Variants in RTN3 observed in about 807,000 individuals in gnomAD.
RTN3 encodes reticulon-3.
In RTN3, 49 loss-of-function variants were observed where a neutral mutation model predicts 77.8. That is an observed-to-expected ratio of 0.63 (90% CI 0.50 to 0.80). The LOEUF is 0.80. RTN3 is among the 30% of genes least tolerant of loss of function. The pLI, the probability that RTN3 is intolerant of heterozygous loss-of-function variation, is 0.00. For missense variants in RTN3, 1,236 were observed against 1,211.9 expected (o/e 1.02, Z -0.29); for synonymous variants, 464 against 446.9 (o/e 1.04, Z -0.48).
intron 3 of RTN3, chr11:63,746,886 C>T: frequency 2.2e-6 from 1 of 444,612 alleles, no homozygotes; most frequent in East Asian, 7.1e-5. Flanking sequence ...ATATAGTACA[C>T]ATTTAAATTT....
rs559897332 is a variant in RTN3, at chr11:63,721,651, C to T, written c.2530+619C>T. 1.2e-3 allele frequency among the ~76,000 whole-genome samples: 176 copies of T among 151,800 alleles called. 1 individual carries two copies. The highest frequency in any genetic ancestry group is 4.2e-3 in the African/African-American group (173 of 41,414). ...AGGTACTTCTTTTCTTATAGGTTGC[C>T]CCTAAGGTGATATTAGGTGAGAATC... On this transcript the variant is annotated intron_variant, in intron 3 of 8. Transcript: ENST00000377819.
At chr11:63,716,824 C>G (rs2011426459) in intron 2 of RTN3, among the ~76,000 whole-genome samples, 2 of 152,010 alleles carry the variant, frequency 1.3e-5, no homozygotes, top group Non-Finnish European at 2.9e-5. Context: ...ATAAAATTAG[C>G]CAGGCGTGGC....
chr11:63,725,432 CTT>C (rs552733896), intron 3 of RTN3, among the ~76,000 whole-genome samples: 1 of 146,286 alleles, frequency 6.8e-6, no homozygotes, highest in South Asian at 2.1e-4. Flanking sequence ...TAACATTCTT[CTT>C]TTTTTTTTTC....
chr11:63,688,863 C>T (rs565719912), intron 1 of RTN3, among the ~76,000 whole-genome samples: 10 of 152,186 alleles, frequency 6.6e-5, no homozygotes, highest in Admixed American at 1.3e-4. Context: ...GAATTGGTGA[C>T]GTCTGGTTGA....
At chr11:63,700,742 T>G (rs1007435504) in intron 1 of RTN3, among the ~76,000 whole-genome samples, 4 of 151,914 alleles carry the variant, frequency 2.6e-5, no homozygotes, top group African/African-American at 9.7e-5. Flanking sequence ...AAGTAAAGGA[T>G]TAATTGAAAT....
At chr11:63,733,476 C>CG (rs1377520060) in intron 3 of RTN3, among the ~76,000 whole-genome samples, 1 of 146,950 alleles carries the variant, frequency 6.8e-6, no homozygotes, top group African/African-American at 2.5e-5. Context: ...GCGACAGAGA[C>CG]TGTCTCAGAA....
chr11:63,740,594 G>A (rs555530885), intron 3 of RTN3, among the ~76,000 whole-genome samples: 2 of 151,286 alleles, frequency 1.3e-5, no homozygotes, highest in African/African-American at 2.4e-5. Context: ...ACCGCGCCTG[G>A]CCTTTTTTTT....
Position 63,753,144 on chromosome 11 carries a change from G to T in RTN3, c.2947+6G>T. ...AATCACCCTTCTAATTCTTGGTAAG[G>T]TGGCAAGGAGAATGTGCCCATGCTC... is the stretch of plus-strand genomic sequence containing the variant. On this transcript the variant is annotated splice_donor_region_variant and intron_variant, in intron 6 of 8. Coordinates refer to ENST00000377819, the MANE Select transcript of RTN3 (RefSeq NM_001265589.2). 1 of 1,613,332 alleles carries T rather than the reference G, an allele frequency of 6.2e-7. No homozygotes were observed. Among genetic ancestry groups the T allele is most frequent in the Non-Finnish European group, 8.5e-7 (1 of 1,179,308 alleles).
chr11:63,722,142 A>AC (rs2011863483), intron 3 of RTN3, among the ~76,000 whole-genome samples: 1 of 152,108 alleles, frequency 6.6e-6, no homozygotes, highest in Admixed American at 6.5e-5. Context: ...TCTACAAGGG[A>AC]CCCCCATCCT....
chr11:63,725,451 C>CT (rs2012183091), intron 3 of RTN3, among the ~76,000 whole-genome samples: 3 of 140,444 alleles, frequency 2.1e-5, no homozygotes, highest in Middle Eastern at 3.7e-3. Context: ...TTTCCTTTTT[C>CT]TTTTTCTTTT....
intron 1 of RTN3, among the ~76,000 whole-genome samples, chr11:63,687,749 C>G (rs1941448853): frequency 6.6e-6 from 1 of 152,146 alleles, no homozygotes; most frequent in Non-Finnish European, 1.5e-5. Context: ...CCCTTAAATC[C>G]TGACCTTTAT....
intron 1 of RTN3, 114 bp downstream of exon 1, chr11:63,681,892 C>A: frequency 8.8e-7 from 1 of 1,142,624 alleles, no homozygotes; most frequent in Non-Finnish European, 1.2e-6. Context: ...CTACTGACGG[C>A]TTCAGCCCCC....
intron 2 of RTN3, among the ~76,000 whole-genome samples, chr11:63,707,003 G>A (rs533528240): frequency 6.6e-6 from 1 of 151,406 alleles, no homozygotes; most frequent in East Asian, 1.9e-4. Context: ...CGCTCAAGCA[G>A]TTCTCTCGCC....
At chr11:63,717,373 G>GTTT (rs1590827794) in intron 2 of RTN3, among the ~76,000 whole-genome samples, 1 of 117,514 alleles carries the variant, frequency 8.5e-6, no homozygotes, top group Non-Finnish European at 1.8e-5. Flanking sequence ...AGTTAACTCT[G>GTTT]TCTTTTTTTT....
chr11:63,739,639 G>T (rs2135004968), intron 3 of RTN3, among the ~76,000 whole-genome samples: 1 of 152,290 alleles, frequency 6.6e-6, no homozygotes, highest in African/African-American at 2.4e-5. Flanking sequence ...TTAAAAAGGT[G>T]ACATGCACCA....
At chr11:63,691,577 G>A (rs900971340) in intron 1 of RTN3, among the ~76,000 whole-genome samples, 5 of 152,002 alleles carry the variant, frequency 3.3e-5, no homozygotes, top group South Asian at 2.1e-4. Flanking sequence ...TTTTAAGTTC[G>A]TTCTTCTCAC....
rs771242038 is a variant in RTN3 at position 63,720,740 on chromosome 11, G to C, written c.2238G>C (p.Lys746Asn). The C allele has an allele frequency of 6.2e-7, 1 of 1,614,040 alleles. No homozygotes were observed. The highest frequency in any genetic ancestry group is 8.5e-7 in the Non-Finnish European group (1 of 1,180,038). Residue 746 changes from lysine (K) to asparagine (N), a missense_variant, in exon 3 of 9, where the codon AAG becomes AAC. Lys to Asn is a moderately conservative substitution (Grantham distance 94). This residue lies in a region of RTN3 where 1,056 missense variants were observed against 990.4 expected (regional missense o/e 1.07). Transcript: ENST00000377819. Reference protein sequence around the residue: ...LDLEQEQLTIKALKELGERQV... With the variant: ...LDLEQEQLTINALKELGERQV... ...TAGAACAAGAACAGCTCACAATTAA[G>C]GCTCTTAAAGAATTAGGTGAAAGAC...
rs1309537679 is a variant in RTN3, at chr11:63,719,765, A to G, written c.1263A>G (p.Val421=). The G allele has an allele frequency of 6.2e-7, 1 of 1,614,196 alleles. No individual in the cohort carries two copies. The highest frequency in any genetic ancestry group is 8.5e-7 in the Non-Finnish European group (1 of 1,180,038). Residue 421 remains valine (V), a synonymous_variant, in exon 3 of 9, where the codon GTA becomes GTG. Transcript: ENST00000377819. ...AAAATGCTATTACTGGAAAACCTGT[A>G]CCTGACTCTTTGAATTCCACAAAAG... The part of the protein sequence containing the change: ...QQENAITGKP[V]PDSLNSTKEF...
At chr11:63,745,431 A>AG (rs2013738168) in intron 3 of RTN3, among the ~76,000 whole-genome samples, 2 of 152,354 alleles carry the variant, frequency 1.3e-5, no homozygotes, top group Non-Finnish European at 2.9e-5. Context: ...AAAGTGATGA[A>AG]GGCAGGGGCT....
Sources: gnomAD v4.1 joint callset for allele counts (sites outside exome capture counted in the v4.1 genomes callset) on GRCh38, gnomAD v4.1.1 for gene constraint, gnomAD v4.1.1 regional missense constraint, MANE v1.5 for transcripts, NCBI Gene and HGNC (gene_info 2026-07-23, HGNC 2026-07-21) for gene names.